The following MDGA2 variants were observed in gnomAD, a reference collection of about 807,000 sequenced individuals.
The protein encoded by MDGA2 is MAM domain-containing glycosylphosphatidylinositol anchor protein 2.
MDGA2 carries 40 observed loss-of-function variants against 117.8 expected under a neutral mutation model. The ratio of observed to expected loss-of-function variants is 0.34; its 90% confidence interval spans 0.26 to 0.44. The LOEUF is 0.44. Among genes scored for constraint, MDGA2 ranks in the 20% least tolerant of loss-of-function variants. MDGA2 has a pLI of 1.00. For synonymous variants in MDGA2, 452 were observed against 439.0 expected (o/e 1.03, Z -0.37); for missense variants, 1,123 against 1,250.6 (o/e 0.90, Z 1.54).
At chr14:47,339,592 C>T (rs530569431) in intron 1 of MDGA2, among the ~76,000 whole-genome samples, 12 of 152,188 alleles carry the variant, frequency 7.9e-5, no homozygotes, top group African/African-American at 2.6e-4. Flanking sequence ...GCATCACCTC[C>T]AACTTGCTCA....
At chr14:47,235,200 C>T (rs927057625) in intron 2 of MDGA2, among the ~76,000 whole-genome samples, 3 of 152,148 alleles carry the variant, frequency 2.0e-5, no homozygotes, top group Non-Finnish European at 4.4e-5. Context: ...CATATCACAA[C>T]CTATGACATA....
chr14:47,142,861 A>G (rs111336087), intron 4 of MDGA2, among the ~76,000 whole-genome samples: 4 of 152,308 alleles, frequency 2.6e-5, no homozygotes, highest in African/African-American at 9.6e-5. Flanking sequence ...TGCGATGCTG[A>G]TTTCCAGAGA....
intron 8 of MDGA2, among the ~76,000 whole-genome samples, chr14:47,022,170 G>C (rs926005390): frequency 6.6e-6 from 1 of 152,018 alleles, no homozygotes; most frequent in Middle Eastern, 3.2e-3. Flanking sequence ...CTGCAGCCCT[G>C]ACCTCCACAG....
At chr14:46,867,514 C>CAGGTTAGTT (rs1265585982) in intron 14 of MDGA2, among the ~76,000 whole-genome samples, 2 of 151,956 alleles carry the variant, frequency 1.3e-5, no homozygotes, top group East Asian at 3.9e-4. Flanking sequence ...GCACATTGTG[C>CAGGTTAGTT]ACATGTACCC....
chr14:47,089,902 A>G (rs1331344048), intron 6 of MDGA2, among the ~76,000 whole-genome samples: 3 of 151,990 alleles, frequency 2.0e-5, no homozygotes, highest in Non-Finnish European at 4.4e-5. Context: ...CTGTATTGAG[A>G]TGGTTAAAAA....
chr14:46,921,961 T>C (rs1247916776), intron 9 of MDGA2, among the ~76,000 whole-genome samples: 3 of 152,128 alleles, frequency 2.0e-5, no homozygotes, highest in African/African-American at 7.2e-5. Context: ...GTTGCTTCTG[T>C]TATTTAATCA....
At chr14:46,873,343 C>T in intron 14 of MDGA2, 90 bp downstream of exon 14, 2 of 1,212,746 alleles carry the variant, frequency 1.6e-6, no homozygotes, top group Non-Finnish European at 2.2e-6. Context: ...ATTCTTTGAC[C>T]AAAAATTGTT....
chr14:47,209,350 C>T (rs1182953446), intron 3 of MDGA2, among the ~76,000 whole-genome samples: 1 of 152,126 alleles, frequency 6.6e-6, no homozygotes, highest in Non-Finnish European at 1.5e-5. Flanking sequence ...AGCCCTCCAG[C>T]TCAGAAGGCT....
intron 3 of MDGA2, among the ~76,000 whole-genome samples, chr14:47,164,836 G>A (rs533056245): frequency 2.0e-5 from 3 of 152,226 alleles, no homozygotes; most frequent in African/African-American, 7.2e-5. Context: ...CAATAGCAAA[G>A]ACTGGGAACC....
intron 3 of MDGA2, among the ~76,000 whole-genome samples, chr14:47,170,676 T>G (rs1156521411): frequency 1.3e-5 from 2 of 152,094 alleles, no homozygotes; most frequent in Admixed American, 6.6e-5. Context: ...ATTACAAGTT[T>G]ATACAAAACA....
chr14:47,394,939 G>C (rs1269352155), intron 1 of MDGA2, among the ~76,000 whole-genome samples: 3 of 152,082 alleles, frequency 2.0e-5, no homozygotes, highest in African/African-American at 7.2e-5. Context: ...GATTACTTGA[G>C]GGCAGGAGTT....
chr14:47,034,475 G>A (rs963323721), intron 8 of MDGA2, among the ~76,000 whole-genome samples: 21 of 152,128 alleles, frequency 1.4e-4, no homozygotes, highest in Admixed American at 9.8e-4. Flanking sequence ...AGATAATTAC[G>A]TAATTCACTG....
At chr14:47,293,830 A>ACC (rs768725537) in intron 2 of MDGA2, among the ~76,000 whole-genome samples, 12 of 152,190 alleles carry the variant, frequency 7.9e-5, no homozygotes, top group Non-Finnish European at 1.3e-4. Context: ...TCTTTGGTTG[A>ACC]TGCTGATACA....
chr14:47,373,497 A>G (rs931255443), intron 1 of MDGA2, among the ~76,000 whole-genome samples: 2 of 152,166 alleles, frequency 1.3e-5, no homozygotes, highest in African/African-American at 4.8e-5. Flanking sequence ...CTACTAATAC[A>G]TGATACAGCA....
At position 47,334,839 on chromosome 14, in the gene MDGA2, G is replaced by A. The variant is rs151338880; in HGVS notation, c.281-33289C>T. ...AATGTGGTGGAAGGATCCCTGAGGT[G>A]GAGGTCCAGATCAGCTCTGTCTTTA... On this transcript the variant is annotated intron_variant, in intron 1 of 16. Coordinates refer to ENST00000399232, the MANE Select transcript of MDGA2 (RefSeq NM_001113498.3). 1.7e-3 allele frequency among the ~76,000 whole-genome samples: 251 copies of A among 152,016 alleles called. 1 individual carries two copies. The highest frequency in any genetic ancestry group is 2.9e-3 in the Non-Finnish European group (198 of 67,898).
chr14:47,368,753 T>C (rs1891283704), intron 1 of MDGA2, among the ~76,000 whole-genome samples: 1 of 150,996 alleles, frequency 6.6e-6, no homozygotes, highest in African/African-American at 2.4e-5. Context: ...GAGTTCAGAA[T>C]GAAAGAGTTT....
At chr14:46,974,851 A>G (rs1310674910) in intron 8 of MDGA2, among the ~76,000 whole-genome samples, 1 of 152,180 alleles carries the variant, frequency 6.6e-6, no homozygotes, top group East Asian at 1.9e-4. Flanking sequence ...ATGACAACAG[A>G]AAACAAATGG....
intron 1 of MDGA2, among the ~76,000 whole-genome samples, chr14:47,355,262 C>G (rs1328539946): frequency 6.6e-6 from 1 of 152,072 alleles, no homozygotes; most frequent in African/African-American, 2.4e-5. Context: ...GAATGAGGAC[C>G]CAAAGGTATC....
At chr14:47,048,720 A>G (rs1489038929) in intron 7 of MDGA2, among the ~76,000 whole-genome samples, 2 of 152,114 alleles carry the variant, frequency 1.3e-5, no homozygotes, top group East Asian at 3.8e-4. Context: ...TGTTCCATCA[A>G]CAGATCAGGG....
Sources: allele counts gnomAD v4.1 joint callset (sites outside exome capture counted in the v4.1 genomes callset), GRCh38; gene constraint gnomAD v4.1.1; transcripts MANE v1.5; gene names NCBI Gene and HGNC (gene_info 2026-07-23, HGNC 2026-07-21).